Variants in CAST observed in about 807,000 individuals in gnomAD.
CAST encodes the protein calpastatin.
CAST carries 76 observed loss-of-function variants against 119.6 expected under a neutral mutation model. The ratio of observed to expected loss-of-function variants is 0.64; its 90% confidence interval spans 0.53 to 0.77. The LOEUF is 0.77. Among genes scored for constraint, CAST ranks in the 30% least tolerant of loss-of-function variants. The pLI is 0.00. For synonymous variants in CAST, 319 were observed against 331.6 expected (o/e 0.96, Z 0.41); for missense variants, 953 against 946.5 (o/e 1.01, Z -0.09).
chr5:96,020,816 TCCCCCAC>T, the CAST span, among the ~76,000 whole-genome samples: 1 of 80,828 alleles, frequency 1.2e-5, no homozygotes, highest in African/African-American at 4.8e-5. Context: ...CCCCAAACCA[TCCCCCAC>T]CCCCCACCCC....
chr5:96,282,616 C>T, the CAST span, among the ~76,000 whole-genome samples: 2 of 152,122 alleles, frequency 1.3e-5, no homozygotes, highest in African/African-American at 4.8e-5. Flanking sequence ...GGTAAATATT[C>T]ATAAACACCA....
At chr5:96,478,142 C>T in the CAST span, among the ~76,000 whole-genome samples, 10,849 of 152,178 alleles carry the variant, frequency 0.071, 869 homozygotes, top group East Asian at 0.42. Context: ...CGATTTATTA[C>T]AATTTGTTTT....
the CAST span, among the ~76,000 whole-genome samples, chr5:96,177,633 A>T: frequency 1.8e-4 from 27 of 152,206 alleles, no homozygotes; most frequent in African/African-American, 5.5e-4. Context: ...TCACTGTGGC[A>T]TCTAGTCAGC....
At chr5:96,458,201 A>G in the CAST span, among the ~76,000 whole-genome samples, 1 of 152,212 alleles carries the variant, frequency 6.6e-6, no homozygotes, top group Non-Finnish European at 1.5e-5. Flanking sequence ...TAAGACAGAA[A>G]AAGTTAGAAA....
the CAST span, among the ~76,000 whole-genome samples, chr5:96,459,904 C>G: frequency 6.6e-6 from 1 of 152,090 alleles, no homozygotes; most frequent in African/African-American, 2.4e-5. Context: ...TCTGTACAAA[C>G]AGACGTAAGC....
intron 3 of CAST, 37 bp downstream of exon 3, chr5:96,695,944 T>C (rs1456582138): frequency 6.9e-7 from 1 of 1,443,552 alleles, no homozygotes; most frequent in South Asian, 1.2e-5. Flanking sequence ...ACCCCTACTG[T>C]ATTCTACAGG....
chr5:96,077,724 C>T, the CAST span, among the ~76,000 whole-genome samples: 3 of 152,152 alleles, frequency 2.0e-5, no homozygotes, highest in Non-Finnish European at 4.4e-5. Flanking sequence ...CACACTGGCT[C>T]CCCTTCTCCT....
chr5:96,461,656 C>T, the CAST span, among the ~76,000 whole-genome samples: 1 of 151,944 alleles, frequency 6.6e-6, no homozygotes, highest in Non-Finnish European at 1.5e-5. Context: ...ATCATCTGAT[C>T]CGTGTTATTT....
At chr5:96,412,788 G>A in the CAST span, 1 of 251,862 alleles carries the variant, frequency 4.0e-6, no homozygotes, top group Non-Finnish European at 6.2e-6. Context: ...TCCCACTCAA[G>A]GCTCTCTTCC....
the CAST span, among the ~76,000 whole-genome samples, chr5:96,009,258 A>G: frequency 6.6e-6 from 1 of 152,192 alleles, no homozygotes; most frequent in Non-Finnish European, 1.5e-5. Flanking sequence ...TGTGAATAGC[A>G]TGGCAATGAA....
the CAST span, among the ~76,000 whole-genome samples, chr5:96,045,305 A>G: frequency 1.3e-5 from 2 of 151,594 alleles, no homozygotes; most frequent in Non-Finnish European, 2.9e-5. Context: ...GTGAGCTGAG[A>G]TGGCGCCATT....
Position 96,719,848 on chromosome 5 carries a change from C to T in CAST, c.211-2791C>T, listed in dbSNP as rs537999557. Among the ~76,000 whole-genome samples, 28 of 152,242 alleles carry T rather than the reference C, an allele frequency of 1.8e-4. No homozygotes were observed. In the South Asian group the frequency reaches 3.3e-3, roughly 18 times the overall value. On this transcript the variant is annotated intron_variant, in intron 3 of 31. Transcript: ENST00000675179. Reference sequence around the variant, plus strand: ...TGGCGTACACAGCTCGGAGGGTCCTCGTGCAGAGAGTGCTCCTTTCCAGCC... The same window carrying T: ...TGGCGTACACAGCTCGGAGGGTCCTTGTGCAGAGAGTGCTCCTTTCCAGCC...
intron 1 of CAST, among the ~76,000 whole-genome samples, chr5:96,548,844 G>A (rs956231075): frequency 5.3e-5 from 8 of 152,180 alleles, no homozygotes; most frequent in Non-Finnish European, 1.2e-4. Context: ...TTCAGTATAA[G>A]TATGTCCCTG....
chr5:96,230,403 G>A, the CAST span, among the ~76,000 whole-genome samples: 2 of 152,076 alleles, frequency 1.3e-5, no homozygotes, highest in African/African-American at 4.8e-5. Flanking sequence ...ATGCCCAGAA[G>A]CCACCGCATA....
At chr5:96,638,393 G>C (rs1050808523) in intron 1 of CAST, among the ~76,000 whole-genome samples, 1 of 152,104 alleles carries the variant, frequency 6.6e-6, no homozygotes, top group Non-Finnish European at 1.5e-5. Context: ...GCAACAGAGC[G>C]AGACTCCATC....
At chr5:96,320,121 A>G in the CAST span, among the ~76,000 whole-genome samples, 6 of 151,740 alleles carry the variant, frequency 4.0e-5, no homozygotes, top group Non-Finnish European at 8.8e-5. Flanking sequence ...CTGGTGAAAC[A>G]TGAGGGCTCT....
At chr5:96,238,301 TTTCTTCTTCTTCTTC>T in the CAST span, among the ~76,000 whole-genome samples, 3 of 94,804 alleles carry the variant, frequency 3.2e-5, no homozygotes, top group African/African-American at 1.2e-4. Context: ...TGCAAATCTG[TTTCTTCTTCTTCTTC>T]TTCTTCTTCT....
chr5:96,281,240 A>G, the CAST span, among the ~76,000 whole-genome samples: 1 of 152,228 alleles, frequency 6.6e-6, no homozygotes, highest in South Asian at 2.1e-4. Flanking sequence ...TAACATCCTA[A>G]GCAACAAGTA....
the CAST span, among the ~76,000 whole-genome samples, chr5:96,182,772 T>A: frequency 6.6e-6 from 1 of 152,232 alleles, no homozygotes; most frequent in African/African-American, 2.4e-5. Context: ...TTCTTCCATT[T>A]CTAATTTTTT....
Sources: allele counts gnomAD v4.1 joint callset (sites outside exome capture counted in the v4.1 genomes callset), GRCh38; gene constraint gnomAD v4.1.1; transcripts MANE v1.5; gene names NCBI Gene and HGNC (gene_info 2026-07-23, HGNC 2026-07-21).